The following OCA2 variants were observed in gnomAD, a reference collection of about 807,000 sequenced individuals.
OCA2 encodes the protein P protein.
Under a neutral mutation model 100.2 loss-of-function variants are expected in OCA2, and 77 were observed. That is an observed-to-expected ratio of 0.77 (90% confidence interval 0.64 to 0.93). The LOEUF is 0.93. OCA2 is among the 40% of genes least tolerant of loss of function. The probability of loss-of-function intolerance (pLI) is 0.00; values close to 1 mark genes in which losing one functional copy is unlikely to be tolerated. For missense variants in OCA2, 1,062 were observed against 1,089.1 expected (o/e 0.98, Z 0.35); for synonymous variants, 432 against 439.2 (o/e 0.98, Z 0.21).
chr15:28,015,344 T>A (rs549960733), intron 8 of OCA2, among the ~76,000 whole-genome samples: 2 of 152,016 alleles, frequency 1.3e-5, no homozygotes, highest in African/African-American at 4.8e-5. Context: ...TGACCACAGG[T>A]CTGTGGCGAA....
intron 22 of OCA2, among the ~76,000 whole-genome samples, chr15:27,846,586 TG>T (rs2035544872): frequency 6.6e-6 from 1 of 152,242 alleles, no homozygotes; most frequent in Admixed American, 6.5e-5. Flanking sequence ...ATGATAGTTT[TG>T]CAGGCAGGTC....
the OCA2 span, among the ~76,000 whole-genome samples, chr15:27,739,298 G>A: frequency 5.3e-5 from 8 of 152,146 alleles, no homozygotes; most frequent in African/African-American, 1.7e-4. Context: ...AGGATCCTGC[G>A]GTGCGTGGTC....
intron 23 of OCA2, among the ~76,000 whole-genome samples, chr15:27,841,435 C>T (rs8035720): frequency 0.79 from 119,957 of 152,180 alleles, 48,393 homozygotes; most frequent in East Asian, 1. Flanking sequence ...GATTTTACTA[C>T]CAGGGGTTTC....
intron 9 of OCA2, among the ~76,000 whole-genome samples, chr15:28,000,864 A>G (rs2041903859): frequency 6.6e-6 from 1 of 152,234 alleles, no homozygotes; most frequent in Non-Finnish European, 1.5e-5. Flanking sequence ...AAAGGTGCTT[A>G]GCATCATTAA....
intron 23 of OCA2, among the ~76,000 whole-genome samples, chr15:27,762,265 T>A (rs1173730210): frequency 6.6e-6 from 1 of 151,940 alleles, no homozygotes; most frequent in Non-Finnish European, 1.5e-5. Context: ...GACACAGGAC[T>A]CAGCCCACCT....
intron 23 of OCA2, among the ~76,000 whole-genome samples, chr15:27,812,228 T>A (rs1417414414): frequency 1.3e-5 from 2 of 152,214 alleles, no homozygotes; most frequent in East Asian, 3.9e-4. Flanking sequence ...CCCATAAAAC[T>A]ACCCAAACTC....
chr15:27,762,069 G>T (rs1035683715), intron 23 of OCA2, among the ~76,000 whole-genome samples: 2 of 152,170 alleles, frequency 1.3e-5, no homozygotes, highest in Non-Finnish European at 2.9e-5. Flanking sequence ...ATAAATGTAA[G>T]GGGTATAAGT....
At chr15:28,028,359 A>G (rs1473424366) in intron 3 of OCA2, among the ~76,000 whole-genome samples, 1 of 152,178 alleles carries the variant, frequency 6.6e-6, no homozygotes. Context: ...GGCTCAGACC[A>G]GTTCCCGCTG....
chr15:27,890,649 C>G (rs1209737916), intron 19 of OCA2, among the ~76,000 whole-genome samples: 1 of 152,132 alleles, frequency 6.6e-6, no homozygotes, highest in African/African-American at 2.4e-5. Flanking sequence ...AATACACTCT[C>G]AGATAAAGAA....
intron 19 of OCA2, among the ~76,000 whole-genome samples, chr15:27,892,079 T>G (rs2037485509): frequency 6.6e-6 from 1 of 152,110 alleles, no homozygotes; most frequent in South Asian, 2.1e-4. Flanking sequence ...AGTGAAAAAC[T>G]GCTAGAGCTG....
At chr15:27,794,083 C>T (rs1022436406) in intron 23 of OCA2, among the ~76,000 whole-genome samples, 17 of 152,158 alleles carry the variant, frequency 1.1e-4, no homozygotes, top group African/African-American at 3.9e-4. Flanking sequence ...AAAGATCCTG[C>T]AAACAGGAGG....
chr15:27,842,174 T>C (rs2035366156), intron 23 of OCA2, among the ~76,000 whole-genome samples: 1 of 152,254 alleles, frequency 6.6e-6, no homozygotes, highest in Non-Finnish European at 1.5e-5. Flanking sequence ...GGACAATTTA[T>C]GTCTTGTTAA....
At chr15:27,873,832 A>G (rs1373721170) in intron 19 of OCA2, among the ~76,000 whole-genome samples, 1 of 152,254 alleles carries the variant, frequency 6.6e-6, no homozygotes, top group Non-Finnish European at 1.5e-5. Context: ...TACAAAATAA[A>G]GTAATTATCT....
intron 22 of OCA2, 31 bp downstream of exon 22, chr15:27,851,351 C>A (rs529842736): frequency 1.1e-4 from 176 of 1,558,558 alleles, no homozygotes; most frequent in Non-Finnish European, 1.5e-4. Flanking sequence ...GGGCGTGCAC[C>A]CCCACCCCCA....
chr15:27,751,340 T>C (rs2030057435), downstream of OCA2, among the ~76,000 whole-genome samples: 1 of 152,144 alleles, frequency 6.6e-6, no homozygotes, highest in South Asian at 2.1e-4. Flanking sequence ...ATGACCAAGT[T>C]TGTTTCCTAT....
At chr15:27,875,295 A>G (rs112478198) in intron 19 of OCA2, among the ~76,000 whole-genome samples, 2,776 of 152,268 alleles carry the variant, frequency 0.018, 85 homozygotes, top group African/African-American at 0.063. Context: ...GTTTAAAATC[A>G]GTTGTATATT....
At chr15:27,967,894 T>C (rs1451203226) in intron 14 of OCA2, among the ~76,000 whole-genome samples, 1 of 152,212 alleles carries the variant, frequency 6.6e-6, no homozygotes, top group African/African-American at 2.4e-5. Flanking sequence ...GTTGGTTCTG[T>C]TCTTTCACTG....
chr15:27,770,920 TCCCTC>T (rs1206601387), intron 23 of OCA2, among the ~76,000 whole-genome samples: 3 of 115,554 alleles, frequency 2.6e-5, no homozygotes, highest in African/African-American at 5.9e-5. Context: ...CCCTCCTCCC[TCCCTC>T]TTTTCCTTTC....
intron 23 of OCA2, among the ~76,000 whole-genome samples, chr15:27,785,131 C>T (rs2032744424): frequency 1.3e-5 from 2 of 152,162 alleles, no homozygotes; most frequent in Non-Finnish European, 2.9e-5. Flanking sequence ...TTATGGAAAA[C>T]TTGTCAGACT....
Sources: allele counts gnomAD v4.1 joint callset (sites outside exome capture counted in the v4.1 genomes callset), GRCh38; gene constraint gnomAD v4.1.1; transcripts MANE v1.5; gene names NCBI Gene and HGNC (gene_info 2026-07-23, HGNC 2026-07-21).